SMYD3: variants seen among roughly 807,000 people sequenced by gnomAD.
The protein encoded by SMYD3 is SET and MYND domain containing 3, also known as histone-lysine N-methyltransferase SMYD3.
A neutral mutation model predicts 57.7 loss-of-function variants in SMYD3; 36 were observed. That is an observed-to-expected ratio of 0.62 (90% CI 0.48 to 0.82). The LOEUF (loss-of-function observed/expected upper bound fraction) is 0.82, where lower values mean the gene tolerates loss of function less well. Among genes scored for constraint, SMYD3 ranks in the 40% least tolerant of loss-of-function variants. SMYD3 has a pLI of 0.00. For synonymous variants in SMYD3, 211 were observed against 195.0 expected, an observed-to-expected ratio of 1.08 and a Z score of -0.68; for missense variants, 515 against 538.8, an observed-to-expected ratio of 0.96 and a Z score of 0.44.
chr1:245,762,868 A>G (rs1230746931), intron 11 of SMYD3, among the ~76,000 whole-genome samples: 2 of 152,154 alleles, frequency 1.3e-5, no homozygotes, highest in Non-Finnish European at 2.9e-5. Context: ...ACTCTTCTGC[A>G]CACAAGGGCA....
chr1:245,940,065 T>C (rs2057164904), intron 5 of SMYD3, among the ~76,000 whole-genome samples: 1 of 152,088 alleles, frequency 6.6e-6, no homozygotes, highest in South Asian at 2.1e-4. Flanking sequence ...CACAGATCCA[T>C]CCCTCCTCAC....
intron 10 of SMYD3, among the ~76,000 whole-genome samples, chr1:245,807,156 C>T (rs560633902): frequency 6.6e-6 from 1 of 152,140 alleles, no homozygotes; most frequent in South Asian, 2.1e-4. Context: ...AGTCCTGCTG[C>T]AGGCGGGCTA....
chr1:246,103,977 C>A (rs1387706193), intron 5 of SMYD3, among the ~76,000 whole-genome samples: 1 of 152,214 alleles, frequency 6.6e-6, no homozygotes, highest in Admixed American at 6.5e-5. Context: ...TTCTATAAAA[C>A]CTTTCAACCT....
chr1:246,144,105 C>T (rs961329836), intron 5 of SMYD3, among the ~76,000 whole-genome samples: 1 of 152,180 alleles, frequency 6.6e-6, no homozygotes, highest in African/African-American at 2.4e-5. Flanking sequence ...CTCTCCTCAC[C>T]TGGACGGACA....
rs111493283 is a variant in SMYD3, at chr1:246,138,705, A to G, written c.531+188496T>C. ...CTCCCAAAGTGCTGGGATTACAGGC[A>G]TGAGTCACCGCGCCCAGCCAAAAAT... is the stretch of plus-strand genomic sequence containing the variant. On this transcript the variant is annotated intron_variant, in intron 5 of 11. Coordinates refer to ENST00000490107, the MANE Select transcript of SMYD3 (RefSeq NM_001167740.2). Among the ~76,000 whole-genome samples, 1,185 of 151,774 alleles carry G rather than the reference A, an allele frequency of 7.8e-3. 10 individuals are homozygous for G. Among genetic ancestry groups the G allele is most frequent in the African/African-American group, 0.027 (1,100 of 41,500 alleles).
At chr1:246,036,539 CTTT>C (rs59062672) in intron 5 of SMYD3, among the ~76,000 whole-genome samples, 9,895 of 144,956 alleles carry the variant, frequency 0.068, 322 homozygotes, top group African/African-American at 0.089. Flanking sequence ...TTCTTTCTCT[CTTT>C]TTTTTTTTTT....
intron 5 of SMYD3, among the ~76,000 whole-genome samples, chr1:246,322,876 A>G (rs998503093): frequency 6.6e-6 from 1 of 152,244 alleles, no homozygotes; most frequent in Non-Finnish European, 1.5e-5. Flanking sequence ...CAAACATTTT[A>G]AACATCAAGC....
intron 5 of SMYD3, among the ~76,000 whole-genome samples, chr1:246,175,579 T>C (rs1282727792): frequency 1.3e-5 from 2 of 152,184 alleles, no homozygotes; most frequent in African/African-American, 4.8e-5. Flanking sequence ...GATCTGGAAG[T>C]AGTCTGTGAA....
intron 5 of SMYD3, among the ~76,000 whole-genome samples, chr1:245,996,881 C>T (rs2058940762): frequency 6.6e-6 from 1 of 152,230 alleles, no homozygotes; most frequent in South Asian, 2.1e-4. Flanking sequence ...TCCATCTCCT[C>T]CTCTTCTTTA....
At chr1:246,375,064 G>C (rs6665976) in intron 1 of SMYD3, among the ~76,000 whole-genome samples, 1 of 152,002 alleles carries the variant, frequency 6.6e-6, no homozygotes, top group African/African-American at 2.4e-5. Flanking sequence ...TTGCACTCCA[G>C]CCTGGGCAAC....
chr1:246,100,622 C>T (rs2060992681), intron 5 of SMYD3, among the ~76,000 whole-genome samples: 1 of 152,196 alleles, frequency 6.6e-6, no homozygotes. Flanking sequence ...CCTCCCAAGA[C>T]AGAAGATATT....
chr1:245,874,069 T>C (rs2052363291), intron 8 of SMYD3, among the ~76,000 whole-genome samples: 1 of 152,256 alleles, frequency 6.6e-6, no homozygotes, highest in Non-Finnish European at 1.5e-5. Context: ...TTTGTGATTG[T>C]GCAACAAATT....
At chr1:246,348,481 TAAGCA>T (rs2065764425) in intron 2 of SMYD3, among the ~76,000 whole-genome samples, 1 of 152,110 alleles carries the variant, frequency 6.6e-6, no homozygotes, top group East Asian at 1.9e-4. Context: ...GCCATTATCC[TAAGCA>T]AAGTAGCACA....
chr1:245,950,420 T>C (rs58874088), intron 5 of SMYD3, among the ~76,000 whole-genome samples: 7,298 of 152,162 alleles, frequency 0.048, 576 homozygotes, highest in African/African-American at 0.17. Flanking sequence ...GACTGAGTAT[T>C]TTTTTCTGTA....
At chr1:246,225,959 T>C (rs78959232) in intron 5 of SMYD3, among the ~76,000 whole-genome samples, 9,009 of 152,248 alleles carry the variant, frequency 0.059, 434 homozygotes, top group African/African-American at 0.12. Flanking sequence ...TCATTATGAA[T>C]CCAATTTCCA....
intron 5 of SMYD3, among the ~76,000 whole-genome samples, chr1:246,297,867 T>A (rs1263981693): frequency 1.3e-5 from 2 of 152,154 alleles, no homozygotes; most frequent in Non-Finnish European, 2.9e-5. Flanking sequence ...AGGACAATGA[T>A]CTTCATATTT....
intron 5 of SMYD3, among the ~76,000 whole-genome samples, chr1:246,118,633 A>G (rs1226248834): frequency 6.6e-6 from 1 of 152,204 alleles, no homozygotes; most frequent in South Asian, 2.1e-4. Flanking sequence ...CTGCCAGGGA[A>G]ATCTTTGTAA....
intron 8 of SMYD3, among the ~76,000 whole-genome samples, chr1:245,912,582 A>G (rs544689355): frequency 6.6e-6 from 1 of 152,348 alleles, no homozygotes; most frequent in Admixed American, 6.5e-5. Context: ...AGCTGGAGGT[A>G]TCACACTACC....
intron 1 of SMYD3, among the ~76,000 whole-genome samples, chr1:246,377,783 T>A (rs180941132): frequency 1.4e-3 from 206 of 152,340 alleles, no homozygotes; most frequent in Middle Eastern, 3.4e-3. Flanking sequence ...AAGTATGTAT[T>A]CCTAGAAGTA....
Sources: allele counts gnomAD v4.1 joint callset (sites outside exome capture counted in the v4.1 genomes callset), GRCh38; gene constraint gnomAD v4.1.1; transcripts MANE v1.5; gene names NCBI Gene and HGNC (gene_info 2026-07-23, HGNC 2026-07-21).